The following SEMA3A variants were observed in gnomAD, a reference collection of about 807,000 sequenced individuals.
The protein encoded by SEMA3A is semaphorin-3A.
A neutral mutation model predicts 97.9 loss-of-function variants in SEMA3A; 29 were observed. The observed-to-expected ratio is 0.30, with a 90% CI of 0.22 to 0.40. The LOEUF is 0.40. Ranked by LOEUF, SEMA3A falls within the 10% of genes least tolerant of loss-of-function variation. The pLI is 1.00. For synonymous variants in SEMA3A, 321 were observed against 323.7 expected, an observed-to-expected ratio of 0.99 and a Z score of 0.09; for missense variants, 763 against 951.3, an observed-to-expected ratio of 0.80 and a Z score of 2.60.
At chr7:84,298,047 TG>T (rs1279024869) in intron 3 of SEMA3A, among the ~76,000 whole-genome samples, 1 of 152,198 alleles carries the variant, frequency 6.6e-6, no homozygotes, top group Non-Finnish European at 1.5e-5. Context: ...TGTGAATCTT[TG>T]TCTCTTCCTG....
chr7:84,412,211 C>T (rs1267901397), intron 1 of SEMA3A, among the ~76,000 whole-genome samples: 1 of 152,092 alleles, frequency 6.6e-6, no homozygotes, highest in Non-Finnish European at 1.5e-5. Context: ...CATGAGGCTA[C>T]AGGAGGTCAC....
At chr7:84,429,550 CGAGAGAGAGAGA>C (rs202072224) in intron 1 of SEMA3A, among the ~76,000 whole-genome samples, 1 of 58,616 alleles carries the variant, frequency 1.7e-5, no homozygotes, top group Non-Finnish European at 3.1e-5. Flanking sequence ...ATATATATAG[CGAGAGAGAGAGA>C]GAGAGAGAGA....
chr7:84,359,688 G>A (rs1051469571), intron 2 of SEMA3A, among the ~76,000 whole-genome samples: 2 of 152,244 alleles, frequency 1.3e-5, no homozygotes, highest in East Asian at 1.9e-4. Context: ...TTTTTCTATT[G>A]ATTGGAATAG....
intron 3 of SEMA3A, among the ~76,000 whole-genome samples, chr7:84,240,682 G>A (rs1799338479): frequency 6.6e-6 from 1 of 152,118 alleles, no homozygotes; most frequent in African/African-American, 2.4e-5. Context: ...AGGTATACAT[G>A]TGCCATGGTG....
At chr7:84,103,924 C>A (rs1159993209) in intron 4 of SEMA3A, among the ~76,000 whole-genome samples, 1 of 151,862 alleles carries the variant, frequency 6.6e-6, no homozygotes, top group East Asian at 1.9e-4. Flanking sequence ...ATAGAAATTT[C>A]CTCTTAAAGT....
At chr7:84,473,173 T>TGTGTGTGTGA (rs891778095) in intron 1 of SEMA3A, among the ~76,000 whole-genome samples, 3 of 151,290 alleles carry the variant, frequency 2.0e-5, no homozygotes, top group African/African-American at 7.3e-5. Flanking sequence ...TGTGTGTGTG[T>TGTGTGTGTGA]GAAACCTACA....
At chr7:83,962,220 G>A (rs2116251496) in intron 16 of SEMA3A, among the ~76,000 whole-genome samples, 1 of 152,034 alleles carries the variant, frequency 6.6e-6, no homozygotes, top group South Asian at 2.1e-4. Context: ...GCATTAGAAT[G>A]AATTTATAAT....
chr7:84,454,383 C>G (rs923665181), intron 1 of SEMA3A, among the ~76,000 whole-genome samples: 1 of 152,090 alleles, frequency 6.6e-6, no homozygotes, highest in South Asian at 2.1e-4. Flanking sequence ...ATTAAGGTAA[C>G]AGCTTAGTTA....
intron 3 of SEMA3A, among the ~76,000 whole-genome samples, chr7:84,268,421 G>C (rs1422716249): frequency 6.6e-6 from 1 of 151,982 alleles, no homozygotes; most frequent in Non-Finnish European, 1.5e-5. Context: ...GTCTGCAGTA[G>C]AGAAGAGTAA....
At chr7:84,465,423 CAATG>C (rs1805966006) in intron 1 of SEMA3A, among the ~76,000 whole-genome samples, 1 of 152,080 alleles carries the variant, frequency 6.6e-6, no homozygotes, top group Admixed American at 6.5e-5. Flanking sequence ...CTTTTAGATA[CAATG>C]TTATGTAGAT....
intron 3 of SEMA3A, among the ~76,000 whole-genome samples, chr7:84,201,195 T>C (rs1280317207): frequency 1.3e-5 from 2 of 152,100 alleles, no homozygotes; most frequent in Non-Finnish European, 2.9e-5. Flanking sequence ...CAGATGTAAG[T>C]TTATTACAAT....
intron 5 of SEMA3A, among the ~76,000 whole-genome samples, chr7:84,050,943 C>T: frequency 6.6e-6 from 1 of 151,496 alleles, no homozygotes. Context: ...GCCAGTTTTC[C>T]CAGCACCATT....
chr7:84,048,693 T>TA (rs1289494642), intron 5 of SEMA3A, among the ~76,000 whole-genome samples: 1 of 152,030 alleles, frequency 6.6e-6, no homozygotes, highest in East Asian at 1.9e-4. Flanking sequence ...TAGAATAATT[T>TA]AAAAAATGAA....
intron 9 of SEMA3A, 61 bp downstream of exon 9, chr7:84,010,961 A>C: frequency 8.0e-7 from 1 of 1,253,598 alleles, no homozygotes; most frequent in South Asian, 1.4e-5. Flanking sequence ...GCAAATTATG[A>C]GTACTTGGAT....
chr7:83,987,071 T>C (rs1332197911), intron 12 of SEMA3A, among the ~76,000 whole-genome samples: 1 of 150,836 alleles, frequency 6.6e-6, no homozygotes, highest in Non-Finnish European at 1.5e-5. Flanking sequence ...GTTATATACC[T>C]GTATATTTAT....
intron 2 of SEMA3A, among the ~76,000 whole-genome samples, chr7:84,334,947 A>C (rs1015750853): frequency 1.3e-5 from 2 of 152,004 alleles, no homozygotes; most frequent in African/African-American, 4.8e-5. Flanking sequence ...CCCTCAAAAA[A>C]ACAATAATGA....
At chr7:84,076,901 CT>C (rs1168424544) in intron 4 of SEMA3A, among the ~76,000 whole-genome samples, 1 of 152,028 alleles carries the variant, frequency 6.6e-6, no homozygotes, top group Non-Finnish European at 1.5e-5. Context: ...AATTCATCTG[CT>C]TTTTGTCATC....
At chr7:84,391,415 C>T (rs760749982) in intron 1 of SEMA3A, among the ~76,000 whole-genome samples, 4 of 152,034 alleles carry the variant, frequency 2.6e-5, no homozygotes, top group Non-Finnish European at 4.4e-5. Flanking sequence ...GATGCTAACA[C>T]GGTGGATCCT....
intron 1 of SEMA3A, among the ~76,000 whole-genome samples, chr7:84,417,949 C>T (rs1320373049): frequency 6.6e-6 from 1 of 152,084 alleles, no homozygotes; most frequent in Non-Finnish European, 1.5e-5. Context: ...ATACTTATTT[C>T]TCATACCAAC....
Sources: gnomAD v4.1 joint callset for allele counts (sites outside exome capture counted in the v4.1 genomes callset) on GRCh38, gnomAD v4.1.1 for gene constraint, MANE v1.5 for transcripts, NCBI Gene and HGNC (gene_info 2026-07-23, HGNC 2026-07-21) for gene names.